Variants in ARL15 observed in about 807,000 individuals in gnomAD.
The protein encoded by ARL15 is ARF like GTPase 15, also known as ADP-ribosylation factor-like protein 15.
Under a neutral mutation model 25.2 loss-of-function variants are expected in ARL15, and 19 were observed. That is an observed-to-expected ratio of 0.75 (90% CI 0.53 to 1.10). The LOEUF (loss-of-function observed/expected upper bound fraction) is 1.10, where lower values mean the gene tolerates loss of function less well. ARL15 is among the 50% of genes least tolerant of loss of function. The probability of loss-of-function intolerance (pLI) is 0.00; values close to 1 mark genes in which losing one functional copy is unlikely to be tolerated. For missense variants in ARL15, 220 were observed against 246.0 expected, an observed-to-expected ratio of 0.89 and a Z score of 0.71; for synonymous variants, 94 against 86.8, an observed-to-expected ratio of 1.08 and a Z score of -0.46.
In ARL15 at chr5:54,257,231, C is replaced by A. The variant is rs1407777165; in HGVS notation, c.48+53201G>T. On this transcript the variant is annotated intron_variant, in intron 1 of 4. Transcript: ENST00000504924. ...CACAAATCAGTAGCACTGCTATACACAAAAAACGACCAAGCTGAGAATCAA... is the reference window on the plus strand; with the variant it reads ...CACAAATCAGTAGCACTGCTATACAAAAAAAACGACCAAGCTGAGAATCAA... 2.2e-4 allele frequency among the ~76,000 whole-genome samples: 33 copies of A among 152,116 alleles called. 1 individual carries two copies. Among genetic ancestry groups the A allele is most frequent in the Admixed American group, 2.2e-3 (33 of 15,274 alleles).
At chr5:54,234,335 A>AG (rs1756746918) in intron 1 of ARL15, among the ~76,000 whole-genome samples, 1 of 151,922 alleles carries the variant, frequency 6.6e-6, no homozygotes, top group South Asian at 2.1e-4. Context: ...AAAAAAAAAA[A>AG]TTTTAATTGC....
At chr5:53,968,965 T>C (rs1020195789) in intron 4 of ARL15, among the ~76,000 whole-genome samples, 8 of 151,524 alleles carry the variant, frequency 5.3e-5, no homozygotes, top group African/African-American at 1.9e-4. Flanking sequence ...CTGGACAACA[T>C]GGTGAAACCC....
At chr5:54,202,842 CT>C (rs1755760275) in intron 1 of ARL15, among the ~76,000 whole-genome samples, 1 of 151,412 alleles carries the variant, frequency 6.6e-6, no homozygotes, top group South Asian at 2.1e-4. Context: ...AAATTATTAT[CT>C]GAAATATCAC....
chr5:54,048,795 G>GA (rs543949208), intron 4 of ARL15, among the ~76,000 whole-genome samples: 38,845 of 139,442 alleles, frequency 0.28, 5,440 homozygotes, highest in East Asian at 0.46. Flanking sequence ...TATGCTATAG[G>GA]AAAAAAAAAA....
At chr5:54,156,480 C>A (rs1754236919) in intron 2 of ARL15, among the ~76,000 whole-genome samples, 1 of 152,158 alleles carries the variant, frequency 6.6e-6, no homozygotes, top group Admixed American at 6.5e-5. Flanking sequence ...TCCATTGATG[C>A]TTTTTCGTTG....
chr5:54,140,419 G>C (rs1343206558), intron 3 of ARL15, among the ~76,000 whole-genome samples: 1 of 70,696 alleles, frequency 1.4e-5, no homozygotes, highest in African/African-American at 5.4e-5. Flanking sequence ...TGGATAGACA[G>C]ATAGATAGAT....
chr5:54,211,240 C>G (rs1306296421), intron 1 of ARL15, among the ~76,000 whole-genome samples: 1 of 152,026 alleles, frequency 6.6e-6, no homozygotes, highest in African/African-American at 2.4e-5. Flanking sequence ...TTCCACCAGA[C>G]CACAAAGGGC....
chr5:54,125,830 G>A (rs1753234637), intron 3 of ARL15, among the ~76,000 whole-genome samples: 1 of 152,074 alleles, frequency 6.6e-6, no homozygotes, highest in Non-Finnish European at 1.5e-5. Context: ...TTGCAGCTAG[G>A]TAGAAATTCC....
chr5:54,027,983 C>T (rs1407646808), intron 4 of ARL15, among the ~76,000 whole-genome samples: 5 of 151,864 alleles, frequency 3.3e-5, no homozygotes, highest in African/African-American at 4.8e-5. Flanking sequence ...GAGGCGTGAT[C>T]GTGGCTCACT....
intron 1 of ARL15, among the ~76,000 whole-genome samples, chr5:54,286,695 C>T (rs73757026): frequency 0.011 from 1,615 of 152,174 alleles, 38 homozygotes; most frequent in African/African-American, 0.038. Flanking sequence ...GAATAGTTCT[C>T]GTTCTGAAAA....
intron 4 of ARL15, among the ~76,000 whole-genome samples, chr5:53,938,892 T>C (rs898438602): frequency 6.6e-6 from 1 of 152,240 alleles, no homozygotes; most frequent in Non-Finnish European, 1.5e-5. Context: ...GTTTACAGTA[T>C]GCATCACTTG....
intron 4 of ARL15, among the ~76,000 whole-genome samples, chr5:54,045,513 G>A (rs1355981787): frequency 7.9e-5 from 12 of 152,016 alleles, no homozygotes; most frequent in Admixed American, 7.9e-4. Flanking sequence ...AACATGTGAC[G>A]GCAATTCTAT....
At chr5:54,179,721 G>A (rs770002974) in intron 1 of ARL15, among the ~76,000 whole-genome samples, 2 of 151,960 alleles carry the variant, frequency 1.3e-5, no homozygotes, top group Non-Finnish European at 2.9e-5. Flanking sequence ...TAAAACTTAT[G>A]TATTAAGAGA....
chr5:54,162,989 G>A (rs559473163), intron 2 of ARL15, among the ~76,000 whole-genome samples: 1 of 152,250 alleles, frequency 6.6e-6, no homozygotes, highest in South Asian at 2.1e-4. Flanking sequence ...GATCTGATCA[G>A]GAAACAATTC....
chr5:53,887,481 T>C, intron 4 of ARL15: 1 of 660,918 alleles, frequency 1.5e-6, no homozygotes, highest in Non-Finnish European at 2.7e-6. Context: ...TTGGCCAGCA[T>C]ACTGACTAAC....
At chr5:53,982,174 T>TC (rs1748140999) in intron 4 of ARL15, among the ~76,000 whole-genome samples, 1 of 61,350 alleles carries the variant, frequency 1.6e-5, no homozygotes, top group East Asian at 6.1e-4. Flanking sequence ...TAAACATTCT[T>TC]TTTTTTTTTT....
At chr5:54,032,465 C>T (rs1354455114) in intron 4 of ARL15, among the ~76,000 whole-genome samples, 1 of 152,080 alleles carries the variant, frequency 6.6e-6, no homozygotes, top group Non-Finnish European at 1.5e-5. Flanking sequence ...AAACTCCTGA[C>T]CTCAAGTGAT....
At chr5:54,022,957 AT>A (rs1749654129) in intron 4 of ARL15, among the ~76,000 whole-genome samples, 1 of 152,156 alleles carries the variant, frequency 6.6e-6, no homozygotes, top group African/African-American at 2.4e-5. Flanking sequence ...CAAAGAGGAG[AT>A]ATAAAGAAGA....
intron 4 of ARL15, among the ~76,000 whole-genome samples, chr5:53,937,290 C>T (rs563581650): frequency 1.9e-4 from 27 of 141,298 alleles, no homozygotes; most frequent in African/African-American, 5.8e-4. Flanking sequence ...TGCACGCCTG[C>T]GCATACACAC....
Sources: gnomAD v4.1 joint callset for allele counts (sites outside exome capture counted in the v4.1 genomes callset) on GRCh38, gnomAD v4.1.1 for gene constraint, MANE v1.5 for transcripts, NCBI Gene and HGNC (gene_info 2026-07-23, HGNC 2026-07-21) for gene names.